Variants in SMPD3 observed in about 807,000 individuals in gnomAD.
SMPD3 encodes the protein sphingomyelin phosphodiesterase 3.
In SMPD3, 21 loss-of-function variants were observed where a neutral mutation model predicts 55.7. The observed-to-expected ratio is 0.38, with a 90% confidence interval of 0.27 to 0.54. The LOEUF (loss-of-function observed/expected upper bound fraction) is 0.54. SMPD3 is among the 20% of genes least tolerant of loss of function. The pLI is 0.80. For missense variants in SMPD3, 842 were observed against 899.6 expected, an observed-to-expected ratio of 0.94 and a Z score of 0.82; for synonymous variants, 457 against 404.3, an observed-to-expected ratio of 1.13 and a Z score of -1.56.
chr16:68,436,221 A>C (rs1405894751), intron 1 of SMPD3, among the ~76,000 whole-genome samples: 2 of 152,242 alleles, frequency 1.3e-5, no homozygotes, highest in South Asian at 2.1e-4. Flanking sequence ...CATGCAATAG[A>C]ACAATCTGAA....
intron 1 of SMPD3, among the ~76,000 whole-genome samples, chr16:68,387,402 G>A (rs2090067089): frequency 6.6e-6 from 1 of 152,064 alleles, no homozygotes; most frequent in Non-Finnish European, 1.5e-5. Flanking sequence ...GAGGGATCCT[G>A]GCACTATGCT....
intron 3 of SMPD3, chr16:68,367,323 A>G (rs1166516865): frequency 6.6e-6 from 1 of 152,364 alleles, no homozygotes; most frequent in Non-Finnish European, 1.5e-5. Flanking sequence ...CAGGCACATG[A>G]TAAAGTGATG....
chr16:68,387,692 C>T (rs1336960849), intron 1 of SMPD3, among the ~76,000 whole-genome samples: 2 of 152,248 alleles, frequency 1.3e-5, no homozygotes, highest in Non-Finnish European at 1.5e-5. Context: ...TTGCATGCTC[C>T]ACCTTCTTAA....
chr16:68,401,310 C>T (rs1241134938), intron 1 of SMPD3, among the ~76,000 whole-genome samples: 5 of 152,170 alleles, frequency 3.3e-5, no homozygotes, highest in African/African-American at 1.2e-4. Flanking sequence ...CGCATTTGGA[C>T]TTGATGTCAC....
At chr16:68,392,181 T>C (rs937395379) in intron 1 of SMPD3, among the ~76,000 whole-genome samples, 1 of 152,240 alleles carries the variant, frequency 6.6e-6, no homozygotes, top group African/African-American at 2.4e-5. Flanking sequence ...CATAAGCCAC[T>C]GTGCCTGGCC....
At chr16:68,362,086 A>C (rs2089303838) in intron 7 of SMPD3, among the ~76,000 whole-genome samples, 1 of 152,186 alleles carries the variant, frequency 6.6e-6, no homozygotes. Context: ...GCCCTGAGCC[A>C]ACAGGGGCCT....
chr16:68,445,530 C>T (rs941029173), intron 1 of SMPD3, among the ~76,000 whole-genome samples: 3 of 152,152 alleles, frequency 2.0e-5, no homozygotes, highest in African/African-American at 7.2e-5. Context: ...AGGAGGGAGC[C>T]CCCCAATAGA....
intron 2 of SMPD3, among the ~76,000 whole-genome samples, chr16:68,379,153 G>A (rs768306772): frequency 2.6e-5 from 4 of 152,226 alleles, no homozygotes; most frequent in South Asian, 2.1e-4. Context: ...CCCCGTTGAC[G>A]TCCCACTGGG....
rs1371058711 is a variant in SMPD3 at position 68,363,833 on chromosome 16, G to T, written c.1589C>A (p.Thr530Asn). Residue 530 changes from threonine to asparagine, a missense_variant, in exon 6 of 9, where the codon ACC becomes AAC. Physicochemically the swap from Thr to Asn is moderately conservative, Grantham distance 65 (BLOSUM62 0). Around this residue, in one of 2 missense-constraint regions of SMPD3, gnomAD observed 649 missense variants for 643.6 expected, o/e 1.01. Coordinates refer to ENST00000219334, the MANE Select transcript of SMPD3 (RefSeq NM_018667.4). ...DKLEQQHSLF[T>N]HYRDPCRLGP... The stretch of plus-strand genomic sequence containing the variant: ...CAGGCGGCAGGGGTCCCTGTAGTGG[G>T]TGAACAGGGAGTGTTGCTGCTCCAG... 2.5e-6 allele frequency: 4 copies of T among 1,570,608 alleles called. No individual in the cohort carries two copies. In the South Asian group the frequency reaches 3.5e-5, roughly 14 times the overall value.
Position 68,364,821 on chromosome 16 carries a change from T to C in SMPD3, c.1485A>G (p.Ala495=). 13 of 1,613,862 alleles carry C rather than the reference T, an allele frequency of 8.1e-6. No homozygotes were observed. The highest frequency in any genetic ancestry group is 1.3e-5 in the African/African-American group (1 of 75,042). Residue 495 remains alanine (A), a synonymous_variant, in exon 5 of 9, where the codon GCA becomes GCG. Coordinates refer to ENST00000219334, the MANE Select transcript of SMPD3 (RefSeq NM_018667.4). ...DFRKSTSSSS[A]ANPEELVAFD... ...ATGCCACCAGCTCCTCGGGGTTGGC[T>C]GCGCTGGACGAGGAGGTAGATTTTC...
chr16:68,363,741 C>G (rs756535348), intron 6 of SMPD3, 36 bp downstream of exon 6: 3 of 1,537,428 alleles, frequency 2.0e-6, no homozygotes, highest in Non-Finnish European at 1.8e-6. Context: ...CTGTGGGGAG[C>G]CCAGCTCCCA....
intron 7 of SMPD3, 49 bp from the exon 8 acceptor site, chr16:68,361,808 G>A: frequency 1.3e-6 from 2 of 1,595,198 alleles, no homozygotes; most frequent in Non-Finnish European, 1.7e-6. Flanking sequence ...CGCCCCTGTG[G>A]GCCTGGCAGG....
chr16:68,419,268 G>A (rs1029625815), intron 1 of SMPD3, among the ~76,000 whole-genome samples: 3 of 152,198 alleles, frequency 2.0e-5, no homozygotes, highest in Non-Finnish European at 4.4e-5. Context: ...GGTTGATGGC[G>A]CTTGAGCCAG....
chr16:68,442,683 AG>A (rs2152035786), intron 1 of SMPD3, among the ~76,000 whole-genome samples: 1 of 152,334 alleles, frequency 6.6e-6, no homozygotes, highest in East Asian at 1.9e-4. Flanking sequence ...CTGTGTGCAA[AG>A]GAGGTGGTAC....
chr16:68,392,827 C>T (rs951670840), intron 1 of SMPD3, among the ~76,000 whole-genome samples: 3 of 45,772 alleles, frequency 6.6e-5, no homozygotes, highest in African/African-American at 4.0e-4. Flanking sequence ...GAATGAGACG[C>T]TGTCTGGGAA....
intron 1 of SMPD3, among the ~76,000 whole-genome samples, chr16:68,421,822 C>T (rs1180744404): frequency 7.2e-5 from 11 of 152,202 alleles, no homozygotes; most frequent in African/African-American, 2.7e-4. Context: ...GCCTATTAGA[C>T]TTGGTAGTAG....
chr16:68,412,391 C>T (rs551242533), intron 1 of SMPD3, among the ~76,000 whole-genome samples: 273 of 152,302 alleles, frequency 1.8e-3, no homozygotes, highest in African/African-American at 6.5e-3. Flanking sequence ...TAACATCAAA[C>T]ATGTAAAGGG....
intron 1 of SMPD3, among the ~76,000 whole-genome samples, chr16:68,442,281 T>C (rs2152035599): frequency 6.6e-6 from 1 of 152,344 alleles, no homozygotes; most frequent in South Asian, 2.1e-4. Context: ...CCTCGCTGTC[T>C]TTCCTCATGT....
At chr16:68,407,283 G>T (rs2090262171) in intron 1 of SMPD3, among the ~76,000 whole-genome samples, 1 of 152,188 alleles carries the variant, frequency 6.6e-6, no homozygotes, top group Non-Finnish European at 1.5e-5. Flanking sequence ...ATTCATGTCT[G>T]AGACAGCATC....
Sources: allele counts gnomAD v4.1 joint callset (sites outside exome capture counted in the v4.1 genomes callset), GRCh38; gene constraint gnomAD v4.1.1; regional missense constraint gnomAD v4.1.1; transcripts MANE v1.5; gene names NCBI Gene and HGNC (gene_info 2026-07-23, HGNC 2026-07-21).